Variants in FAM117B observed in about 807,000 individuals in gnomAD.
The protein encoded by FAM117B is protein FAM117B.
Under a neutral mutation model 52.8 loss-of-function variants are expected in FAM117B, and 22 were observed. The ratio of observed to expected loss-of-function variants is 0.42; its 90% CI spans 0.30 to 0.59. The LOEUF (loss-of-function observed/expected upper bound fraction) is 0.59, where lower values mean the gene tolerates loss of function less well. Among genes scored for constraint, FAM117B ranks in the 20% least tolerant of loss-of-function variants. The probability of loss-of-function intolerance (pLI) is 0.22; values close to 1 mark genes in which losing one functional copy is unlikely to be tolerated. For missense variants in FAM117B, 678 were observed against 802.6 expected, an observed-to-expected ratio of 0.84 and a Z score of 1.88; for synonymous variants, 309 against 324.1, an observed-to-expected ratio of 0.95 and a Z score of 0.50.
chr2:202,665,616 G>A (rs1023055813), intron 1 of FAM117B, among the ~76,000 whole-genome samples: 17 of 151,676 alleles, frequency 1.1e-4, no homozygotes, highest in African/African-American at 4.1e-4. Flanking sequence ...TGTTGTTGTT[G>A]TTGAGACAGA....
At position 202,695,252 on chromosome 2, in the gene FAM117B, A is replaced by G. The variant is rs550973370; in HGVS notation, c.602-629A>G. ...TTTTTGTTTCTGTTTATATACAGTA[A>G]TCCTTATCCTTTTTTTTTTTATGGT... On this transcript the variant is annotated intron_variant, in intron 1 of 7. Transcript: ENST00000392238. Among the ~76,000 whole-genome samples, 5 of 151,142 alleles carry G rather than the reference A, an allele frequency of 3.3e-5. No homozygotes were observed. The East Asian group carries it at 9.7e-4, about 29-fold the overall frequency.
chr2:202,710,558 TAC>T (rs1313328729), intron 2 of FAM117B, among the ~76,000 whole-genome samples: 1 of 152,236 alleles, frequency 6.6e-6, no homozygotes, highest in Non-Finnish European at 1.5e-5. Flanking sequence ...TTCTTTGTAT[TAC>T]AGACATTCCA....
chr2:202,735,593 C>G (rs1342608228), intron 4 of FAM117B, among the ~76,000 whole-genome samples: 2 of 152,032 alleles, frequency 1.3e-5, no homozygotes, highest in Non-Finnish European at 2.9e-5. Context: ...AAGGTTTCCC[C>G]AAATGACAAA....
At position 202,715,347 on chromosome 2, in the gene FAM117B, C is replaced by T. The variant is rs537087539; in HGVS notation, c.754-9570C>T. Among the ~76,000 whole-genome samples, 296 of 150,746 alleles carry T rather than the reference C, an allele frequency of 2.0e-3. 3 individuals carry two copies. The highest frequency in any genetic ancestry group is 6.8e-3 in the African/African-American group (278 of 40,902). On this transcript the variant is annotated intron_variant, in intron 2 of 7. Transcript: ENST00000392238. ...GGACGGGGTGGCTGCCGGGCGGAGACGCTCCTCACTTCCCAGACGGGGTGG... is the reference window on the plus strand; with the variant it reads ...GGACGGGGTGGCTGCCGGGCGGAGATGCTCCTCACTTCCCAGACGGGGTGG...
At chr2:202,755,114 T>A (rs1197148877) in intron 4 of FAM117B, among the ~76,000 whole-genome samples, 1 of 151,984 alleles carries the variant, frequency 6.6e-6, no homozygotes, top group Non-Finnish European at 1.5e-5. Context: ...GAACTCACAG[T>A]ACTAAGAGGG....
At chr2:202,708,211 A>G (rs970540420) in intron 2 of FAM117B, among the ~76,000 whole-genome samples, 1 of 152,200 alleles carries the variant, frequency 6.6e-6, no homozygotes, top group Admixed American at 6.5e-5. Flanking sequence ...CTTTATTTCC[A>G]TTGGTTGGTA....
At chr2:202,734,776 C>T in intron 4 of FAM117B, among the ~76,000 whole-genome samples, 1 of 152,104 alleles carries the variant, frequency 6.6e-6, no homozygotes, top group East Asian at 1.9e-4. Context: ...TGAGGGAGCA[C>T]CTAAATGTAA....
Position 202,687,680 on chromosome 2 carries a change from G to A in FAM117B, c.602-8201G>A, listed in dbSNP as rs867574124. 1.1e-4 allele frequency among the ~76,000 whole-genome samples: 16 copies of A among 152,152 alleles called. No homozygotes were observed. In the South Asian group the frequency reaches 1.5e-3, roughly 14 times the overall value. On this transcript the variant is annotated intron_variant, in intron 1 of 7. Coordinates refer to ENST00000392238, the MANE Select transcript of FAM117B (RefSeq NM_173511.4). ...CCCTCTTCAGCCTCCCATAGCATTG[G>A]GATTACAGGCGTGAGTCACTGTACC...
chr2:202,755,712 T>G (rs749505264), intron 5 of FAM117B, 31 bp downstream of exon 5: 70 of 1,589,610 alleles, frequency 4.4e-5, no homozygotes, highest in Non-Finnish European at 5.7e-5. Context: ...AAATCATTCT[T>G]GAACTCTTAT....
chr2:202,696,636 A>C (rs897813260), intron 2 of FAM117B, among the ~76,000 whole-genome samples: 1 of 152,214 alleles, frequency 6.6e-6, no homozygotes, highest in East Asian at 1.9e-4. Flanking sequence ...GTGCCAAAAA[A>C]ACCTTCATGT....
intron 1 of FAM117B, among the ~76,000 whole-genome samples, chr2:202,641,918 C>G (rs1689775594): frequency 2.0e-5 from 3 of 150,910 alleles, no homozygotes; most frequent in Admixed American, 6.6e-5. Context: ...AGATTACAGG[C>G]ATGAGCCACC....
intron 4 of FAM117B, among the ~76,000 whole-genome samples, chr2:202,748,665 C>T (rs368657716): frequency 5.3e-5 from 8 of 152,124 alleles, no homozygotes; most frequent in African/African-American, 1.9e-4. Flanking sequence ...CTAGACATTT[C>T]TCAAAAAAAG....
chr2:202,640,295 A>AATATATATATATAT lies in FAM117B; in HGVS notation c.601+4542_601+4555dup, dbSNP rs539187347. Among the ~76,000 whole-genome samples, 44 of 51,292 alleles carry AATATATATATATAT rather than the reference A, an allele frequency of 8.6e-4. 2 individuals carry two copies. The highest frequency in any genetic ancestry group is 2.5e-3 in the East Asian group (3 of 1,224). The allele number at this position is 51,292 out of a possible 152,430, so 33.6% of individuals were successfully genotyped here. On this transcript the variant is annotated intron_variant, in intron 1 of 7. Transcript: ENST00000392238. ...ACAACAACCACCACCACCACCACAA[A>AATATATATATATAT]ATATATATATATATATATATATATA... is the stretch of plus-strand genomic sequence containing the variant.
chr2:202,656,681 T>G (rs1321186538), intron 1 of FAM117B, among the ~76,000 whole-genome samples: 1 of 152,196 alleles, frequency 6.6e-6, no homozygotes, highest in Non-Finnish European at 1.5e-5. Flanking sequence ...TTGGGTAGAG[T>G]GTTCTATAAA....
chr2:202,704,788 A>C (rs141100516), intron 2 of FAM117B, among the ~76,000 whole-genome samples: 1 of 151,878 alleles, frequency 6.6e-6, no homozygotes, highest in Non-Finnish European at 1.5e-5. Flanking sequence ...TTTAGTAGAG[A>C]TGAGGCTTCA....
At chr2:202,683,367 A>C (rs1045152199) in intron 1 of FAM117B, among the ~76,000 whole-genome samples, 3 of 152,160 alleles carry the variant, frequency 2.0e-5, no homozygotes, top group African/African-American at 7.2e-5. Context: ...AAACCTGTTT[A>C]GTAGAGGAAA....
chr2:202,688,730 A>G lies in FAM117B; in HGVS notation c.602-7151A>G, dbSNP rs140397510. On this transcript the variant is annotated intron_variant, in intron 1 of 7. Transcript: ENST00000392238. ...TTAGACTGGTGAAAATTGATAAAAT[A>G]TACAAGAATGGGTACCCTTGTGATG... Among the ~76,000 whole-genome samples the G allele has an allele frequency of 1.8e-3, 267 of 152,338 alleles. 1 individual carries two copies. The highest frequency in any genetic ancestry group is 3.1e-3 in the Non-Finnish European group (210 of 68,028).
intron 2 of FAM117B, among the ~76,000 whole-genome samples, chr2:202,701,957 G>GTTTTGAGAGGGTTGTCACCAA (rs1315209683): frequency 1.3e-5 from 2 of 152,180 alleles, no homozygotes; most frequent in Non-Finnish European, 2.9e-5. Context: ...GCAGTAGCAG[G>GTTTTGAGAGGGTTGTCACCAA]TTTTGAGAGG....
chr2:202,700,643 T>C (rs185839674), intron 2 of FAM117B, among the ~76,000 whole-genome samples: 135 of 152,046 alleles, frequency 8.9e-4, no homozygotes, highest in African/African-American at 3.0e-3. Flanking sequence ...ATCCAGAAGA[T>C]CTAGCTAAGA....
Sources: gnomAD v4.1 joint callset for allele counts (sites outside exome capture counted in the v4.1 genomes callset) on GRCh38, gnomAD v4.1.1 for gene constraint, MANE v1.5 for transcripts, NCBI Gene and HGNC (gene_info 2026-07-23, HGNC 2026-07-21) for gene names.